SYNPR: variants seen among roughly 807,000 people sequenced by gnomAD.
SYNPR encodes synaptoporin.
In SYNPR, 23 loss-of-function variants were observed where a neutral mutation model predicts 32.9. The observed-to-expected ratio is 0.70, with a 90% confidence interval of 0.50 to 0.99. The LOEUF is 0.99. SYNPR is among the 50% of genes least tolerant of loss of function. The pLI is 0.00. For missense variants in SYNPR, 318 were observed against 349.3 expected (o/e 0.91, Z 0.71); for synonymous variants, 146 against 135.9 (o/e 1.07, Z -0.52).
rs567958812 is a variant in SYNPR at position 63,523,436 on chromosome 3, C to T, written c.210-33107C>T. ...TTGGCTGCATTCTTTGAAAAGTGGT[C>T]ACAGCCCCATCAGCTCTCTCTCTGT... On this transcript the variant is annotated intron_variant, in intron 3 of 5. Coordinates refer to ENST00000478300, the MANE Select transcript of SYNPR (RefSeq NM_001130003.2). 2.6e-5 allele frequency among the ~76,000 whole-genome samples: 4 copies of T among 152,218 alleles called. No individual in the cohort carries two copies. The South Asian group carries it at 8.3e-4, about 32-fold the overall frequency.
At chr3:63,225,216 A>G (rs1170001170), upstream of SYNPR, among the ~76,000 whole-genome samples, 1 of 152,176 alleles carries the variant, frequency 6.6e-6, no homozygotes, top group Non-Finnish European at 1.5e-5. Context: ...TGTGTTATTG[A>G]CACAGCATCA....
chr3:63,509,191 TTA>T (rs1221492937), intron 3 of SYNPR, among the ~76,000 whole-genome samples: 2 of 149,630 alleles, frequency 1.3e-5, no homozygotes, highest in Admixed American at 6.7e-5. Context: ...AGGCTGAAAG[TTA>T]TATATATATG....
intron 3 of SYNPR, among the ~76,000 whole-genome samples, chr3:63,533,433 T>C (rs1702144267): frequency 6.6e-6 from 1 of 152,192 alleles, no homozygotes; most frequent in Non-Finnish European, 1.5e-5. Flanking sequence ...TATGGAAAAC[T>C]CATTTCAATT....
chr3:63,255,528 C>A (rs7652249), intron 2 of SYNPR, among the ~76,000 whole-genome samples: 2,069 of 152,214 alleles, frequency 0.014, 42 homozygotes, highest in African/African-American at 0.047. Context: ...TTTAGATGGG[C>A]AAAATGTGAA....
intron 4 of SYNPR, among the ~76,000 whole-genome samples, chr3:63,577,221 C>A (rs1294918847): frequency 6.6e-6 from 1 of 152,180 alleles, no homozygotes; most frequent in Non-Finnish European, 1.5e-5. Context: ...ATGCTGTCTG[C>A]ATGTTTACAT....
intron 2 of SYNPR, 60 bp from the exon 3 acceptor site, chr3:63,480,772 T>C (rs1701031308): frequency 3.8e-6 from 6 of 1,580,948 alleles, no homozygotes; most frequent in East Asian, 4.5e-5. Context: ...TTTTGATATA[T>C]CTCATTAGAG....
intron 3 of SYNPR, among the ~76,000 whole-genome samples, chr3:63,512,424 G>T (rs1701714414): frequency 6.6e-6 from 1 of 152,122 alleles, no homozygotes; most frequent in Admixed American, 6.6e-5. Context: ...ACCTGACATG[G>T]CAAAAGAGAA....
intron 4 of SYNPR, among the ~76,000 whole-genome samples, chr3:63,601,532 G>T (rs1450281608): frequency 2.0e-5 from 3 of 151,950 alleles, no homozygotes; most frequent in African/African-American, 7.3e-5. Flanking sequence ...GGTTTCTGTT[G>T]TTCCCTTCCT....
At chr3:63,475,727 C>G (rs1401482624) in intron 2 of SYNPR, among the ~76,000 whole-genome samples, 1 of 152,148 alleles carries the variant, frequency 6.6e-6, no homozygotes, top group African/African-American at 2.4e-5. Flanking sequence ...CCCCCTCACA[C>G]TGTCCCCTCA....
chr3:63,471,810 G>A (rs954898059), intron 2 of SYNPR, among the ~76,000 whole-genome samples: 5 of 152,214 alleles, frequency 3.3e-5, no homozygotes, highest in African/African-American at 1.2e-4. Context: ...CATCAAAGCA[G>A]GGAGGAGGGG....
intron 2 of SYNPR, among the ~76,000 whole-genome samples, chr3:63,457,526 T>A (rs976837735): frequency 6.6e-6 from 1 of 152,070 alleles, no homozygotes; most frequent in African/African-American, 2.4e-5. Flanking sequence ...ATAAATTAGA[T>A]CAAAATAAGA....
chr3:63,614,120 C>G (rs1442955739), intron 5 of SYNPR, among the ~76,000 whole-genome samples: 1 of 152,198 alleles, frequency 6.6e-6, no homozygotes, highest in Non-Finnish European at 1.5e-5. Context: ...CTTCCAGCAC[C>G]CTACTCCAGG....
intron 2 of SYNPR, among the ~76,000 whole-genome samples, chr3:63,455,901 A>G (rs1700473455): frequency 6.6e-6 from 1 of 151,860 alleles, no homozygotes; most frequent in African/African-American, 2.4e-5. Flanking sequence ...ATATTAGTCA[A>G]TTTTCACACT....
intron 2 of SYNPR, among the ~76,000 whole-genome samples, chr3:63,328,625 G>A (rs886420888): frequency 6.6e-6 from 1 of 152,154 alleles, no homozygotes; most frequent in Non-Finnish European, 1.5e-5. Context: ...GTGCTCTGGG[G>A]CTTAGCAGGA....
rs976491322 is a variant in SYNPR at position 63,317,831 on chromosome 3, T to C, written c.84+39089T>C. ...GTTTTTTATTTTTGCTTTTAACACA[T>C]ATTTTTGTTTTACAAGTCCTGTGTG... On this transcript the variant is annotated intron_variant, in intron 2 of 5. Coordinates refer to ENST00000478300, the MANE Select transcript of SYNPR (RefSeq NM_001130003.2). Among the ~76,000 whole-genome samples the C allele has an allele frequency of 1.2e-4, 19 of 152,158 alleles. No individual in the cohort carries two copies. The East Asian group carries it at 3.5e-3, about 28-fold the overall frequency.
chr3:63,321,809 C>T (rs1289570868), intron 2 of SYNPR, among the ~76,000 whole-genome samples: 1 of 151,994 alleles, frequency 6.6e-6, no homozygotes, highest in Non-Finnish European at 1.5e-5. Context: ...AATAAAATTC[C>T]CCTTGAACAA....
chr3:63,231,936 G>A (rs1328082735), intron 1 of SYNPR, among the ~76,000 whole-genome samples: 2 of 152,074 alleles, frequency 1.3e-5, no homozygotes, highest in Non-Finnish European at 2.9e-5. Flanking sequence ...CCCCGCTGTT[G>A]TTCTTTTTAA....
chr3:63,593,884 C>T (rs190119944), intron 4 of SYNPR, among the ~76,000 whole-genome samples: 1,575 of 152,226 alleles, frequency 0.01, 32 homozygotes, highest in Non-Finnish European at 0.013. Flanking sequence ...TCTCCCTTGG[C>T]TGGTCTCCCC....
At chr3:63,452,320 A>G (rs956321320) in intron 2 of SYNPR, among the ~76,000 whole-genome samples, 1 of 152,190 alleles carries the variant, frequency 6.6e-6, no homozygotes. Context: ...TGATTTAATT[A>G]TCATTATAGT....
Sources: gnomAD v4.1 joint callset for allele counts (sites outside exome capture counted in the v4.1 genomes callset) on GRCh38, gnomAD v4.1.1 for gene constraint, MANE v1.5 for transcripts, NCBI Gene and HGNC (gene_info 2026-07-23, HGNC 2026-07-21) for gene names.